TRIOBP: variants seen among roughly 807,000 people sequenced by gnomAD.
The protein encoded by TRIOBP is TRIO and F-actin binding protein, also known as TRIO and F-actin-binding protein.
Under a neutral mutation model 238.8 loss-of-function variants are expected in TRIOBP, and 169 were observed. That is an observed-to-expected ratio of 0.71 (90% confidence interval 0.62 to 0.80). The LOEUF (loss-of-function observed/expected upper bound fraction) is 0.80. TRIOBP is among the 30% of genes least tolerant of loss of function. The pLI is 0.00. For missense variants in TRIOBP, 2,838 were observed against 3,122.6 expected (o/e 0.91, Z 2.17); for synonymous variants, 1,150 against 1,274.4 (o/e 0.90, Z 2.08).
chr22:37,762,500 G>T (rs976593608), intron 17 of TRIOBP, among the ~76,000 whole-genome samples: 2 of 152,370 alleles, frequency 1.3e-5, no homozygotes, highest in African/African-American at 4.8e-5. Flanking sequence ...ACAGAAGGGT[G>T]TGACCTTTGA....
Position 37,720,504 on chromosome 22 carries a change from G to C in TRIOBP, c.629-2681G>C, listed in dbSNP as rs553037702. The stretch of plus-strand genomic sequence containing the variant: ...CTCTTCCAGTTTCCCCTGAAGGCTG[G>C]GGGCACAGCGATCTGCTCACCTTTG... On this transcript the variant is annotated intron_variant, in intron 6 of 23. Transcript: ENST00000644935. Among the ~76,000 whole-genome samples, 4 of 152,164 alleles carry C rather than the reference G, an allele frequency of 2.6e-5. No individual in the cohort carries two copies. The East Asian group carries it at 5.8e-4, about 22-fold the overall frequency.
chr22:37,746,308 A>G (rs1250554189), intron 11 of TRIOBP: 4 of 1,116,060 alleles, frequency 3.6e-6, no homozygotes, highest in African/African-American at 3.4e-5. Context: ...CGGGCGGCCG[A>G]GAGGGGCGGC....
chr22:37,723,311 C>T lies in TRIOBP; in HGVS notation c.755C>T (p.Pro252Leu). ...TCCTCCATGACACCACACAGTGGAC[C>T]TCGAAGCACCACGTCTCAGGCTTCT... ...QASSMTPHSG[P>L]RSTTSQASPA... is the part of the protein sequence containing the mutation. Residue 252 changes from proline (P) to leucine (L), a missense_variant, in exon 7 of 24, where the codon CCT (proline) becomes CTT (leucine). By Grantham distance (98) the Pro-to-Leu change is moderately conservative. Around this residue, in one of 5 missense-constraint regions of TRIOBP, gnomAD observed 535 missense variants for 537.3 expected, o/e 1.00. Transcript: ENST00000644935. 2 of 1,614,086 alleles carry T rather than the reference C, an allele frequency of 1.2e-6. No homozygotes were observed. Among genetic ancestry groups the T allele is most frequent in the Non-Finnish European group, 1.7e-6 (2 of 1,179,968 alleles).
chr22:37,731,603 C>T (rs753871419), intron 7 of TRIOBP, among the ~76,000 whole-genome samples: 2 of 151,852 alleles, frequency 1.3e-5, no homozygotes, highest in African/African-American at 4.8e-5. Flanking sequence ...ATTACAGGCA[C>T]GTGCCACCAC....
intron 3 of TRIOBP, among the ~76,000 whole-genome samples, chr22:37,709,239 C>T (rs777758435): frequency 2.0e-5 from 3 of 152,196 alleles, no homozygotes; most frequent in Admixed American, 6.5e-5. Context: ...CCTGTGGTGC[C>T]GACCAGGCTG....
At chr22:37,741,908 G>A (rs1601644389) in intron 11 of TRIOBP, among the ~76,000 whole-genome samples, 1 of 152,332 alleles carries the variant, frequency 6.6e-6, no homozygotes, top group Middle Eastern at 3.4e-3. Flanking sequence ...GATGCATGGA[G>A]GTTGCGGGGC....
chr22:37,730,112 T>A (rs1311216236), intron 7 of TRIOBP, among the ~76,000 whole-genome samples: 1 of 152,206 alleles, frequency 6.6e-6, no homozygotes, highest in African/African-American at 2.4e-5. Flanking sequence ...TGTGGTCATT[T>A]GAATTCAAAA....
intron 19 of TRIOBP, among the ~76,000 whole-genome samples, chr22:37,768,507 C>A (rs146803603): frequency 6.6e-6 from 1 of 152,272 alleles, no homozygotes; most frequent in East Asian, 1.9e-4. Flanking sequence ...GTTGAGGTTT[C>A]AGGGGCTTTA....
rs764196291 is a variant in TRIOBP, at chr22:37,765,737, G to A, written c.6392G>A (p.Arg2131Gln). ...SHQQVMEELQ[R>Q]HHERELQRLQ... ...CAGCAGGTGATGGAGGAGCTGCAGC[G>A]GCACCACGAGCGGGAGCTGCAGCGC... is the stretch of plus-strand genomic sequence containing the variant. The change falls in exon 18 of 24, where the codon CGG becomes CAG. Residue 2131 changes from arginine to glutamine, a missense_variant. By Grantham distance (43) the Arg-to-Gln change is conservative. Transcript: ENST00000644935. 7.8e-5 allele frequency: 122 copies of A among 1,568,668 alleles called. No individual in the cohort carries two copies. The highest frequency in any genetic ancestry group is 9.7e-5 in the Non-Finnish European group (112 of 1,158,408).
intron 5 of TRIOBP, among the ~76,000 whole-genome samples, chr22:37,713,648 T>C (rs1923371858): frequency 6.6e-6 from 1 of 151,652 alleles, no homozygotes; most frequent in Non-Finnish European, 1.5e-5. Flanking sequence ...GGGAAAGGAG[T>C]TTCAGCCGAC....
intron 6 of TRIOBP, among the ~76,000 whole-genome samples, chr22:37,719,989 C>CACACTGCACT (rs367687004): frequency 1.1e-4 from 8 of 71,270 alleles, no homozygotes; most frequent in Admixed American, 1.7e-4. Flanking sequence ...TTTCACTCAT[C>CACACTGCACT]CCCCCCCGCC....
chr22:37,736,658 G>A (rs556893016), intron 9 of TRIOBP, among the ~76,000 whole-genome samples: 45 of 152,212 alleles, frequency 3.0e-4, no homozygotes, highest in Non-Finnish European at 4.3e-4. Flanking sequence ...ACGGAGTTTC[G>A]CTCTTGTTGC....
Position 37,734,791 on chromosome 22 carries a change from G to A in TRIOBP, c.4455G>A (p.Lys1485=), listed in dbSNP as rs1475534695. 1.1e-5 allele frequency: 17 copies of A among 1,612,180 alleles called. No individual in the cohort carries two copies. The highest frequency in any genetic ancestry group is 1.4e-5 in the Non-Finnish European group (17 of 1,179,774). The part of the protein sequence containing the change: ...GAWGGTSREY[K]ESWGQPEAWE... The stretch of plus-strand genomic sequence containing the variant: ...GGGGGGGCACTTCCAGGGAGTACAA[G>A]GAGAGCTGGGGGCAGCCAGAGGCCT... Residue 1485 remains lysine (K), a synonymous_variant, in exon 9 of 24, where the codon AAG becomes AAA. Coordinates refer to ENST00000644935, the MANE Select transcript of TRIOBP (RefSeq NM_001039141.3).
chr22:37,772,265 C>T (rs745980516), intron 22 of TRIOBP, among the ~76,000 whole-genome samples: 12 of 152,170 alleles, frequency 7.9e-5, no homozygotes, highest in African/African-American at 1.9e-4. Context: ...CCGTGTTTAC[C>T]GCACTTGAAG....
intron 4 of TRIOBP, among the ~76,000 whole-genome samples, chr22:37,712,772 C>T (rs990904825): frequency 3.3e-5 from 5 of 151,606 alleles, no homozygotes; most frequent in African/African-American, 7.2e-5. Context: ...CTGGCTAACA[C>T]GGTGAAACCC....
intron 11 of TRIOBP, among the ~76,000 whole-genome samples, chr22:37,743,832 T>G (rs1261078565): frequency 7.9e-6 from 1 of 126,490 alleles, no homozygotes; most frequent in African/African-American, 3.4e-5. Context: ...TGTGTGTGTG[T>G]GTGTGTGTGT....
At chr22:37,771,589 A>T in intron 21 of TRIOBP, 61 bp from the exon 22 acceptor site, 1 of 1,485,424 alleles carries the variant, frequency 6.7e-7, no homozygotes, top group East Asian at 2.3e-5. Context: ...GCTGCAGGGC[A>T]CTATGGGCCA....
chr22:37,710,790 C>T (rs976888310), intron 4 of TRIOBP, among the ~76,000 whole-genome samples: 2 of 152,168 alleles, frequency 1.3e-5, no homozygotes, highest in African/African-American at 4.8e-5. Flanking sequence ...GTGGCTGAGC[C>T]TCCCCTCCCC....
chr22:37,702,208 C>T (rs1569030687), intron 3 of TRIOBP, among the ~76,000 whole-genome samples: 3 of 151,686 alleles, frequency 2.0e-5, no homozygotes. Flanking sequence ...TTTTCTTTTT[C>T]TTTTTTTTGA....
Sources: allele counts gnomAD v4.1 joint callset (sites outside exome capture counted in the v4.1 genomes callset), GRCh38; gene constraint gnomAD v4.1.1; regional missense constraint gnomAD v4.1.1; transcripts MANE v1.5; gene names NCBI Gene and HGNC (gene_info 2026-07-23, HGNC 2026-07-21).